ZNF385D: variants seen among roughly 807,000 people sequenced by gnomAD.
ZNF385D encodes the protein zinc finger protein 659.
Under a neutral mutation model 35.8 loss-of-function variants are expected in ZNF385D, and 15 were observed. The ratio of observed to expected loss-of-function variants is 0.42; its 90% CI spans 0.28 to 0.64. The LOEUF is 0.64. Ranked by LOEUF, ZNF385D falls within the 30% of genes least tolerant of loss-of-function variation. The probability of loss-of-function intolerance (pLI) is 0.23; values close to 1 mark genes in which losing one functional copy is unlikely to be tolerated. For synonymous variants in ZNF385D, 212 were observed against 186.8 expected (o/e 1.13, Z -1.10); for missense variants, 474 against 494.6 (o/e 0.96, Z 0.39).
intron 2 of ZNF385D, among the ~76,000 whole-genome samples, chr3:22,229,439 C>T (rs1025162940): frequency 5.3e-5 from 8 of 152,164 alleles, no homozygotes; most frequent in Non-Finnish European, 1.2e-4. Flanking sequence ...TTGGCTGAAA[C>T]TCAGGCACTC....
chr3:21,812,888 G>C (rs928172286), intron 3 of ZNF385D, among the ~76,000 whole-genome samples: 29 of 152,200 alleles, frequency 1.9e-4, no homozygotes, highest in African/African-American at 4.3e-4. Flanking sequence ...AATGGACAGA[G>C]TGCCTCCTCA....
chr3:22,191,343 C>T (rs1404256730), intron 2 of ZNF385D, among the ~76,000 whole-genome samples: 3 of 151,876 alleles, frequency 2.0e-5, no homozygotes, highest in South Asian at 2.1e-4. Context: ...CAAAATTAGC[C>T]GCGCATGGTG....
intron 2 of ZNF385D, among the ~76,000 whole-genome samples, chr3:22,229,663 T>C (rs1698766940): frequency 1.3e-5 from 2 of 152,190 alleles, no homozygotes; most frequent in African/African-American, 4.8e-5. Flanking sequence ...AAGCCACTCT[T>C]GGTCAAAGGG....
chr3:21,467,700 G>A (rs1020144836), intron 4 of ZNF385D, among the ~76,000 whole-genome samples: 1 of 152,116 alleles, frequency 6.6e-6, no homozygotes, highest in African/African-American at 2.4e-5. Context: ...CAGTGACCAT[G>A]TGCGGTTCAT....
intron 2 of ZNF385D, among the ~76,000 whole-genome samples, chr3:21,624,779 A>G (rs1575344905): frequency 6.6e-6 from 1 of 152,072 alleles, no homozygotes; most frequent in Non-Finnish European, 1.5e-5. Flanking sequence ...GAAGGTGAGG[A>G]AACATCTTAT....
chr3:21,750,782 G>A (rs2070036557), intron 1 of ZNF385D, 113 bp downstream of exon 1: 1 of 1,343,230 alleles, frequency 7.4e-7, no homozygotes, highest in South Asian at 1.3e-5. Context: ...TTGCCAACTG[G>A]AGGTAGGTTT....
intron 3 of ZNF385D, among the ~76,000 whole-genome samples, chr3:21,802,943 A>G (rs1294293918): frequency 6.6e-6 from 1 of 152,212 alleles, no homozygotes; most frequent in Non-Finnish European, 1.5e-5. Context: ...GGGAAGTAGG[A>G]CAAGGAATGG....
At chr3:22,231,139 A>G (rs1298796955) in intron 2 of ZNF385D, among the ~76,000 whole-genome samples, 1 of 152,186 alleles carries the variant, frequency 6.6e-6, no homozygotes, top group Admixed American at 6.5e-5. Flanking sequence ...AAAGAAGTTC[A>G]AAAAATAAAG....
chr3:22,156,736 A>C (rs1021138307), intron 3 of ZNF385D, among the ~76,000 whole-genome samples: 5 of 151,884 alleles, frequency 3.3e-5, no homozygotes, highest in African/African-American at 9.7e-5. Context: ...GACTTTCTCT[A>C]TTTCTAACTA....
chr3:22,159,209 C>T (rs1023220784), intron 3 of ZNF385D, among the ~76,000 whole-genome samples: 6 of 152,022 alleles, frequency 3.9e-5, no homozygotes, highest in African/African-American at 1.4e-4. Context: ...CTTCAAACTT[C>T]CCTAAACACA....
At chr3:22,220,265 A>G (rs1026977497) in intron 2 of ZNF385D, among the ~76,000 whole-genome samples, 4 of 151,878 alleles carry the variant, frequency 2.6e-5, no homozygotes, top group Admixed American at 1.3e-4. Context: ...AGATCTCACT[A>G]TGTTGCCCAG....
intron 3 of ZNF385D, among the ~76,000 whole-genome samples, chr3:21,848,129 G>C (rs1434412699): frequency 6.6e-6 from 1 of 151,864 alleles, no homozygotes. Context: ...ATTTCTCTTA[G>C]CATAATATCC....
At chr3:21,710,300 A>G (rs1248712716) in intron 1 of ZNF385D, among the ~76,000 whole-genome samples, 1 of 152,202 alleles carries the variant, frequency 6.6e-6, no homozygotes, top group Non-Finnish European at 1.5e-5. Flanking sequence ...TACGAAAATA[A>G]ATAGATAGAT....
intron 3 of ZNF385D, among the ~76,000 whole-genome samples, chr3:21,523,662 C>T (rs1161499754): frequency 6.6e-6 from 1 of 152,136 alleles, no homozygotes; most frequent in Non-Finnish European, 1.5e-5. Flanking sequence ...AGGAAGTATG[C>T]TTGGGAATAC....
At chr3:21,787,238 A>G (rs1355528672) in intron 3 of ZNF385D, among the ~76,000 whole-genome samples, 1 of 152,156 alleles carries the variant, frequency 6.6e-6, no homozygotes, top group East Asian at 1.9e-4. Flanking sequence ...CAATGATAGA[A>G]GGTGTGAGGT....
intron 2 of ZNF385D, among the ~76,000 whole-genome samples, chr3:22,212,924 A>G (rs1054618465): frequency 9.9e-5 from 15 of 152,004 alleles, no homozygotes; most frequent in African/African-American, 3.6e-4. Context: ...CTAAGGAAAA[A>G]AAATCAATTG....
chr3:22,371,435 G>T (rs1332510379), intron 2 of ZNF385D, among the ~76,000 whole-genome samples: 1 of 151,966 alleles, frequency 6.6e-6, no homozygotes, highest in African/African-American at 2.4e-5. Context: ...TCAGTTCAAG[G>T]TTCCAGAATT....
chr3:22,064,435 G>A (rs1376925425), intron 3 of ZNF385D, among the ~76,000 whole-genome samples: 2 of 151,284 alleles, frequency 1.3e-5, no homozygotes, highest in Non-Finnish European at 2.9e-5. Context: ...CCCACTTCTG[G>A]ATATATACCC....
At chr3:22,346,833 T>A (rs1338768261) in intron 2 of ZNF385D, among the ~76,000 whole-genome samples, 1 of 152,120 alleles carries the variant, frequency 6.6e-6, no homozygotes, top group East Asian at 1.9e-4. Context: ...CTACCACTTT[T>A]GCCTACTTTA....
Sources: gnomAD v4.1 joint callset for allele counts (sites outside exome capture counted in the v4.1 genomes callset) on GRCh38, gnomAD v4.1.1 for gene constraint, MANE v1.5 for transcripts, NCBI Gene and HGNC (gene_info 2026-07-23, HGNC 2026-07-21) for gene names.